Variants in SLC18A2 observed in about 807,000 individuals in gnomAD.
SLC18A2 encodes the protein synaptic vesicular amine transporter.
SLC18A2 carries 33 observed loss-of-function variants against 59.2 expected under a neutral mutation model. The observed-to-expected ratio is 0.56, with a 90% CI of 0.42 to 0.75. SLC18A2 has a LOEUF of 0.75. Among genes scored for constraint, SLC18A2 ranks in the 30% least tolerant of loss-of-function variants. The pLI is 0.00. For synonymous variants in SLC18A2, 228 were observed against 253.5 expected (o/e 0.90, Z 0.95); for missense variants, 569 against 668.6 (o/e 0.85, Z 1.64).
At chr10:117,251,778 C>T (rs1844164744) in intron 3 of SLC18A2, among the ~76,000 whole-genome samples, 1 of 152,036 alleles carries the variant, frequency 6.6e-6, no homozygotes, top group Non-Finnish European at 1.5e-5. Context: ...GTGGGAATGG[C>T]CCAGGCGAAA....
rs1461966169 is a variant in SLC18A2 at position 117,263,888 on chromosome 10, CTG to C, written c.992-2844_992-2843del. Among the ~76,000 whole-genome samples the C allele has an allele frequency of 2.0e-5, 3 of 151,964 alleles. No homozygotes were observed. In the East Asian group the frequency reaches 5.8e-4, roughly 29 times the overall value. ...GGCCTGTACCAGAAGACAAGAGGGA[CTG>C]CCAGCCTTCTGTGGCTCTGGGGTGC... On this transcript the variant is annotated intron_variant, in intron 10 of 15. Transcript: ENST00000644641.
rs1208894642 is a variant in SLC18A2, at chr10:117,269,202, CATACACAT to C, written c.1187-867_1187-860del. 1.1e-5 allele frequency among the ~76,000 whole-genome samples: 1 copy of C among 94,468 alleles called. No individual in the cohort carries two copies. The highest frequency in any genetic ancestry group is 4.0e-5 in the African/African-American group (1 of 24,968). 62.0% of individuals were successfully genotyped at this position (94,468 alleles called of 152,430 possible). A position where few individuals can be genotyped will look rare whatever the true frequency, so the allele number is the denominator to read the frequency against. On this transcript the variant is annotated intron_variant, in intron 13 of 15. Transcript: ENST00000644641. This position sits in a 1 kb window ranked among gnomAD's most constrained non-coding sequence, Gnocchi z 5.1. ...ACACACATACACACACACCTACACACATACACATACACACACATACACAAATACAAGTA... is the reference window on the plus strand; with the variant it reads ...ACACACATACACACACACCTACACACACACACACATACACAAATACAAGTA...
Position 117,274,000 on chromosome 10 carries a change from C to T in SLC18A2, c.1441-3162C>T, listed in dbSNP as rs575642916. On this transcript the variant is annotated intron_variant, in intron 15 of 15. Coordinates refer to ENST00000644641, the MANE Select transcript of SLC18A2 (RefSeq NM_003054.6). Reference sequence around the variant, plus strand: ...GGTTGAGAGTCAAACACACCTTCCTCACCACAGCAGTGTGTGGAGAGCAGA... The same window carrying T: ...GGTTGAGAGTCAAACACACCTTCCTTACCACAGCAGTGTGTGGAGAGCAGA... Among the ~76,000 whole-genome samples, 4 of 152,298 alleles carry T rather than the reference C, an allele frequency of 2.6e-5. No homozygotes were observed. In the South Asian group the frequency reaches 8.3e-4, roughly 32 times the overall value.
intron 15 of SLC18A2, among the ~76,000 whole-genome samples, chr10:117,276,730 G>A (rs779551853): frequency 1.3e-5 from 2 of 151,894 alleles, no homozygotes; most frequent in Non-Finnish European, 2.9e-5. Flanking sequence ...TTTCTCACAT[G>A]TGAGGGCTTC....
At chr10:117,266,199 T>G (rs1345852075) in intron 10 of SLC18A2, among the ~76,000 whole-genome samples, 1 of 151,520 alleles carries the variant, frequency 6.6e-6, no homozygotes, top group African/African-American at 2.4e-5. Flanking sequence ...ACAAGCAGGA[T>G]AGAGTATAAT....
At chr10:117,257,093 A>G (rs1016512085) in intron 9 of SLC18A2, among the ~76,000 whole-genome samples, 3 of 152,168 alleles carry the variant, frequency 2.0e-5, no homozygotes, top group African/African-American at 7.2e-5. Flanking sequence ...CCATATGTGC[A>G]CCTTCATCAC....
At chr10:117,264,548 G>A (rs1467482751) in intron 10 of SLC18A2, among the ~76,000 whole-genome samples, 1 of 152,200 alleles carries the variant, frequency 6.6e-6, no homozygotes, top group East Asian at 1.9e-4. Context: ...TCAGGGGAGT[G>A]AATGGCCACA....
intron 7 of SLC18A2, 28 bp from the exon 8 acceptor site, chr10:117,255,451 G>T: frequency 6.2e-7 from 1 of 1,614,098 alleles, no homozygotes; most frequent in Middle Eastern, 1.7e-4. Context: ...CTGAAGAGGG[G>T]CTTGTCTTTT....
In SLC18A2 at chr10:117,269,216, CACAT is replaced by C. The variant is rs974596440; in HGVS notation, c.1187-851_1187-848del. Among the ~76,000 whole-genome samples the C allele has an allele frequency of 3.2e-3, 336 of 103,396 alleles. 2 individuals carry two copies. The highest frequency in any genetic ancestry group is 8.1e-3 in the African/African-American group (256 of 31,784). The allele number at this position is 103,396 out of a possible 152,430, so 67.8% of individuals were successfully genotyped here. ...ACACCTACACACATACACATACACA[CACAT>C]ACACAAATACAAGTACATACACAAA... is the stretch of plus-strand genomic sequence containing the variant. On this transcript the variant is annotated intron_variant, in intron 13 of 15. Transcript: ENST00000644641. This position sits in a 1 kb window ranked among gnomAD's most constrained non-coding sequence, Gnocchi z 5.1.
rs777383464 is a variant in SLC18A2 at position 117,254,154 on chromosome 10, A to G, written c.607+23A>G. 4 of 1,609,994 alleles carry G rather than the reference A, an allele frequency of 2.5e-6. No individual in the cohort carries two copies. In the South Asian group the frequency reaches 4.4e-5, roughly 18 times the overall value. On this transcript the variant is annotated intron_variant, in intron 5 of 15. Coordinates refer to ENST00000644641, the MANE Select transcript of SLC18A2 (RefSeq NM_003054.6). Reference sequence around the variant, plus strand: ...CTGGTAGGTGTGGAATGCCTGAGTGAGTTCGTGAGGGGCCCCTTGCAGAGT... The same window carrying G: ...CTGGTAGGTGTGGAATGCCTGAGTGGGTTCGTGAGGGGCCCCTTGCAGAGT...
chr10:117,278,647 TTTGTG>T lies in SLC18A2; in HGVS notation c.*1384_*1388del, dbSNP rs1844535286. ...TTAGTTTCGTTAAGCTAAGATTGTG[TTTGTG>T]TTAACTTCGACATCAAGGAGCAAAG... is the stretch of plus-strand genomic sequence containing the variant. On this transcript the variant is annotated 3_prime_UTR_variant, in exon 16 of 16. Transcript: ENST00000644641. 1 of 139,326 alleles carries T rather than the reference TTTGTG, an allele frequency of 7.2e-6. No homozygotes were observed. Among genetic ancestry groups the T allele is most frequent in the South Asian group, 2.3e-4 (1 of 4,330 alleles). The allele number at this position is 139,326 out of a possible 1,614,324, so 8.6% of individuals were successfully genotyped here. A position where few individuals can be genotyped will look rare whatever the true frequency, so the allele number is the denominator to read the frequency against.
rs1467229966 is a variant in SLC18A2, at chr10:117,257,825, C to T, written c.924C>T (p.Ile308=). 5 of 1,610,766 alleles carry T rather than the reference C, an allele frequency of 3.1e-6. No homozygotes were observed. Among genetic ancestry groups the T allele is most frequent in the East Asian group, 2.2e-5 (1 of 44,760 alleles). The change falls in exon 10 of 16, where the codon ATC becomes ATT. Residue 308 remains isoleucine (I), a synonymous_variant. Coordinates refer to ENST00000644641, the MANE Select transcript of SLC18A2 (RefSeq NM_003054.6). ...AGSICFANMG[I]AMLEPALPIW... is the part of the protein sequence containing the mutation. The stretch of plus-strand genomic sequence containing the variant: ...CCATCTGCTTTGCAAACATGGGCAT[C>T]GCCATGCTGGAGCCAGCCCTGCCCA...
At chr10:117,247,885 CATAACTGGA>C (rs1386126562) in intron 3 of SLC18A2, among the ~76,000 whole-genome samples, 1 of 152,216 alleles carries the variant, frequency 6.6e-6, no homozygotes, top group Non-Finnish European at 1.5e-5. Flanking sequence ...CACACCACAC[CATAACTGGA>C]ATCCTCTATT....
intron 9 of SLC18A2, among the ~76,000 whole-genome samples, chr10:117,256,541 G>A (rs997302047): frequency 6.6e-6 from 1 of 152,220 alleles, no homozygotes; most frequent in Non-Finnish European, 1.5e-5. Context: ...GGAGAACTGG[G>A]CACCAGTAGT....
intron 10 of SLC18A2, among the ~76,000 whole-genome samples, chr10:117,264,316 A>G (rs548324369): frequency 1.8e-4 from 27 of 152,376 alleles, no homozygotes; most frequent in African/African-American, 6.3e-4. Context: ...AGCCCTAGAA[A>G]GAATTCTTGC....
Position 117,255,302 on chromosome 10 carries a change from C to G in SLC18A2, c.726C>G (p.Leu242=), listed in dbSNP as rs1369349565. 2 of 1,614,092 alleles carry G rather than the reference C, an allele frequency of 1.2e-6. No homozygotes were observed. Among genetic ancestry groups the G allele is most frequent in the East Asian group, 2.2e-5 (1 of 44,884 alleles). The stretch of plus-strand genomic sequence containing the variant: ...TGGGCCCCCCCTTCGGGAGTGTGCT[C>G]TATGAGTTTGTGGGGAAGACGGCTC... ...VLVGPPFGSV[L]YEFVGKTAPF... The change falls in exon 7 of 16, where the codon CTC becomes CTG. Residue 242 remains leucine (L), a synonymous_variant. Coordinates refer to ENST00000644641, the MANE Select transcript of SLC18A2 (RefSeq NM_003054.6).
At chr10:117,260,783 C>T (rs1844287105) in intron 10 of SLC18A2, among the ~76,000 whole-genome samples, 1 of 152,144 alleles carries the variant, frequency 6.6e-6, no homozygotes, top group Admixed American at 6.5e-5. Context: ...TTGGAAATCA[C>T]TCAGGAAGGA....
At chr10:117,245,016 T>G (rs577608729) in intron 3 of SLC18A2, among the ~76,000 whole-genome samples, 21 of 152,386 alleles carry the variant, frequency 1.4e-4, no homozygotes, top group African/African-American at 4.3e-4. Context: ...AATAACTGTT[T>G]ACTTCTCCAT....
intron 5 of SLC18A2, 128 bp from the exon 6 acceptor site, chr10:117,254,277 C>A: frequency 8.5e-7 from 1 of 1,171,058 alleles, no homozygotes; most frequent in Non-Finnish European, 1.2e-6. Context: ...TCTGCTTGGT[C>A]TTACATTTTA....
Sources: gnomAD v4.1 joint callset for allele counts (sites outside exome capture counted in the v4.1 genomes callset) on GRCh38, gnomAD v4.1.1 for gene constraint, Gnocchi (gnomAD v3.1) non-coding constraint, MANE v1.5 for transcripts, NCBI Gene and HGNC (gene_info 2026-07-23, HGNC 2026-07-21) for gene names.